PRAG1: variants seen among roughly 807,000 people sequenced by gnomAD.
PRAG1 encodes the protein inactive tyrosine-protein kinase PRAG1.
PRAG1 carries 110 observed loss-of-function variants against 95.6 expected under a neutral mutation model. The ratio of observed to expected loss-of-function variants is 1.15; its 90% confidence interval spans 0.99 to 1.35. The LOEUF (loss-of-function observed/expected upper bound fraction) is 1.35. Among genes scored for constraint, PRAG1 ranks in the 40% most tolerant of loss-of-function variants. The pLI is 0.00. For synonymous variants in PRAG1, 1,052 were observed against 819.4 expected (o/e 1.28, Z -4.85); for missense variants, 2,554 against 1,864.7 (o/e 1.37, Z -6.81).
intron 4 of PRAG1, among the ~76,000 whole-genome samples, chr8:8,334,040 GC>G (rs1304690344): frequency 6.6e-6 from 1 of 152,242 alleles, no homozygotes; most frequent in Non-Finnish European, 1.5e-5. Flanking sequence ...GCAGAGGGAT[GC>G]TTTGGCTTCA....
At chr8:8,380,293 T>C (rs143794156) in intron 2 of PRAG1, among the ~76,000 whole-genome samples, 2 of 150,678 alleles carry the variant, frequency 1.3e-5, no homozygotes, top group Middle Eastern at 3.4e-3. Flanking sequence ...ATAAATAAAA[T>C]AAAAATTAAA....
intron 5 of PRAG1, among the ~76,000 whole-genome samples, chr8:8,322,417 G>C (rs1418222285): frequency 2.0e-5 from 3 of 152,078 alleles, no homozygotes; most frequent in African/African-American, 7.2e-5. Flanking sequence ...CCTGACCTCA[G>C]GTGATCCAGC....
chr8:8,325,843 A>G (rs1054566249), intron 5 of PRAG1, among the ~76,000 whole-genome samples: 9 of 151,428 alleles, frequency 5.9e-5, no homozygotes, highest in Non-Finnish European at 1.0e-4. Flanking sequence ...AACCCAGGAG[A>G]TGGAGGTTGC....
In PRAG1 at chr8:8,378,066, G is replaced by C; in HGVS notation, c.343C>G (p.Arg115Gly). 2 of 1,537,016 alleles carry C rather than the reference G, an allele frequency of 1.3e-6. No homozygotes were observed. Among genetic ancestry groups the C allele is most frequent in the African/African-American group, 1.4e-5 (1 of 72,548 alleles). The change falls in exon 3 of 6, where the codon CGA becomes GGA. Residue 115 changes from arginine to glycine, a missense_variant. By Grantham distance (125) the Arg-to-Gly change is moderately radical. Coordinates refer to ENST00000615670, the MANE Select transcript of PRAG1 (RefSeq NM_001080826.3). ...SAEVSQVIWRRAPGKLPLPKQ... is the reference protein window; with the variant it reads ...SAEVSQVIWRGAPGKLPLPKQ... ...GGGAGGGGGAGCTTGCCAGGGGCTC[G>C]TCTCCAGATGACCTACACACAAGCC...
At chr8:8,341,608 A>G (rs1297075907) in intron 3 of PRAG1, among the ~76,000 whole-genome samples, 4 of 152,232 alleles carry the variant, frequency 2.6e-5, no homozygotes, top group African/African-American at 9.6e-5. Context: ...GAAAAAAATC[A>G]TATCATGTTT....
At chr8:8,376,155 C>T (rs1400824888) in intron 3 of PRAG1, 92 bp downstream of exon 3, 2 of 1,503,136 alleles carry the variant, frequency 1.3e-6, no homozygotes, top group South Asian at 1.3e-5. Flanking sequence ...GATTCTGGGA[C>T]CTGGGCCTGA....
chr8:8,352,408 C>A (rs1799552381), intron 3 of PRAG1, among the ~76,000 whole-genome samples: 2 of 152,212 alleles, frequency 1.3e-5, no homozygotes, highest in African/African-American at 4.8e-5. Flanking sequence ...AGGAAAAAGT[C>A]CACAACTATG....
At chr8:8,330,929 A>G (rs1283952290) in intron 4 of PRAG1, among the ~76,000 whole-genome samples, 1 of 152,194 alleles carries the variant, frequency 6.6e-6, no homozygotes, top group African/African-American at 2.4e-5. Flanking sequence ...AGCCTCAGTC[A>G]CCAAACTCCC....
At chr8:8,363,750 T>G (rs1799918624) in intron 3 of PRAG1, among the ~76,000 whole-genome samples, 1 of 152,224 alleles carries the variant, frequency 6.6e-6, no homozygotes, top group Non-Finnish European at 1.5e-5. Flanking sequence ...ATGTCTATTT[T>G]TTAAAAACTA....
In PRAG1 at chr8:8,376,575, A is replaced by T; in HGVS notation, c.1834T>A (p.Cys612Ser). The T allele has an allele frequency of 1.2e-6, 2 of 1,607,326 alleles. No individual in the cohort carries two copies. The highest frequency in any genetic ancestry group is 1.3e-5 in the African/African-American group (1 of 74,944). The part of the protein sequence containing the change: ...NGVAISDPSR[C>S]PQPAASSASE... ...GCTGACGAGGCGGCAGGCTGGGGAC[A>T]CCTGGATGGGTCACTGATAGCGACA... Residue 612 changes from cysteine to serine, a missense_variant, in exon 3 of 6, where the codon TGT (cysteine) becomes AGT (serine). Transcript: ENST00000615670.
intron 3 of PRAG1, among the ~76,000 whole-genome samples, chr8:8,369,900 T>A (rs1800136055): frequency 6.6e-6 from 1 of 151,828 alleles, no homozygotes; most frequent in African/African-American, 2.4e-5. Context: ...AAAGCAGGGG[T>A]CAAGCTTTGA....
Position 8,318,919 on chromosome 8 carries a change from C to G in PRAG1, c.3456G>C (p.Leu1152=). The part of the protein sequence containing the change: ...IHRDLCLENL[L]LVHCTLQAGP... Reference sequence around the variant, plus strand: ...CGGCCTGGAGGGTGCAGTGCACCAGCAGCAGGTTCTCCAGGCACAGGTCCC... The same window carrying G: ...CGGCCTGGAGGGTGCAGTGCACCAGGAGCAGGTTCTCCAGGCACAGGTCCC... The change falls in exon 6 of 6, where the codon CTG becomes CTC. Residue 1152 remains leucine (L), a synonymous_variant. Coordinates refer to ENST00000615670, the MANE Select transcript of PRAG1 (RefSeq NM_001080826.3). This position sits in a 1 kb window ranked among gnomAD's most constrained non-coding sequence, Gnocchi z 4.2. The G allele has an allele frequency of 6.2e-7, 1 of 1,609,088 alleles. No individual in the cohort carries two copies. Among genetic ancestry groups the G allele is most frequent in the South Asian group, 1.1e-5 (1 of 90,650 alleles).
At chr8:8,335,765 C>G (rs1022120344) in intron 4 of PRAG1, among the ~76,000 whole-genome samples, 3 of 151,954 alleles carry the variant, frequency 2.0e-5, no homozygotes, top group Admixed American at 1.3e-4. Flanking sequence ...TGCCTTCTGA[C>G]CAGTAGCTAC....
intron 3 of PRAG1, among the ~76,000 whole-genome samples, chr8:8,368,766 G>C (rs563102948): frequency 3.3e-5 from 5 of 152,030 alleles, no homozygotes; most frequent in Non-Finnish European, 5.9e-5. Flanking sequence ...CAATGCACCT[G>C]ACAAAGCATG....
intron 3 of PRAG1, among the ~76,000 whole-genome samples, chr8:8,355,999 G>A (rs1799668521): frequency 6.6e-6 from 1 of 152,134 alleles, no homozygotes; most frequent in South Asian, 2.1e-4. Context: ...CTTAGGAACT[G>A]GGAAAAAATG....
chr8:8,327,984 C>G lies in PRAG1; in HGVS notation c.2798G>C (p.Ser933Thr). Residue 933 changes from serine (S) to threonine (T), a missense_variant, in exon 5 of 6, where the codon AGC (serine) becomes ACC (threonine). Ser to Thr is a moderately conservative substitution (Grantham distance 58). Transcript: ENST00000615670. ...GAGACCGTGCAGCTGAAGCTGGGTGCTCCCGGTGGAGGCTTGACTGGACAC... is the reference window on the plus strand; with the variant it reads ...GAGACCGTGCAGCTGAAGCTGGGTGGTCCCGGTGGAGGCTTGACTGGACAC... ...LSVSSQASTG[S>T]TQLQLHGLLS... 6.3e-7 allele frequency: 1 copy of G among 1,598,152 alleles called. No individual in the cohort carries two copies. Among genetic ancestry groups the G allele is most frequent in the Middle Eastern group, 1.7e-4 (1 of 5,994 alleles).
chr8:8,353,537 T>C (rs1461621164), intron 3 of PRAG1, among the ~76,000 whole-genome samples: 2 of 152,034 alleles, frequency 1.3e-5, no homozygotes, highest in Non-Finnish European at 2.9e-5. Flanking sequence ...TATCAAAATG[T>C]ATAAGATGCA....
intron 5 of PRAG1, among the ~76,000 whole-genome samples, chr8:8,325,061 A>T: frequency 6.6e-6 from 1 of 152,176 alleles, no homozygotes; most frequent in East Asian, 1.9e-4. Flanking sequence ...TCCCTGTTTA[A>T]CATGTGCAGA....
In PRAG1 at chr8:8,376,907, CA is replaced by C; in HGVS notation, c.1501del (p.Trp501GlyfsTer6). 3 of 1,613,384 alleles carry C rather than the reference CA, an allele frequency of 1.9e-6. No individual in the cohort carries two copies. The highest frequency in any genetic ancestry group is 2.5e-6 in the Non-Finnish European group (3 of 1,180,030). Reference sequence around the variant, plus strand: ...GTTCTGGCTCACAGGCCCTCGTGGCCACTGCACCCCCACTGCAGAGTCAGGG... The same window carrying C: ...GTTCTGGCTCACAGGCCCTCGTGGCCCTGCACCCCCACTGCAGAGTCAGGG... ...SSPDSAVGVQ[W>X]PRGPVSQNSE... On this transcript the variant is annotated frameshift_variant, in exon 3 of 6. Coordinates refer to ENST00000615670, the MANE Select transcript of PRAG1 (RefSeq NM_001080826.3). LOFTEE classifies it high-confidence loss of function.
Sources: allele counts gnomAD v4.1 joint callset (sites outside exome capture counted in the v4.1 genomes callset), GRCh38; gene constraint gnomAD v4.1.1; non-coding constraint Gnocchi (gnomAD v3.1); transcripts MANE v1.5; gene names NCBI Gene and HGNC (gene_info 2026-07-23, HGNC 2026-07-21).